The following CIBAR1 variants were observed in gnomAD, a reference collection of about 807,000 sequenced individuals.
CIBAR1 encodes CBY1-interacting BAR domain-containing protein 1.
Under a neutral mutation model 44.0 loss-of-function variants are expected in CIBAR1, and 25 were observed. The observed-to-expected ratio is 0.57, with a 90% CI of 0.41 to 0.79. The LOEUF is 0.79. Among genes scored for constraint, CIBAR1 ranks in the 30% least tolerant of loss-of-function variants. CIBAR1 has a pLI of 0.00. For synonymous variants in CIBAR1, 115 were observed against 119.0 expected (o/e 0.97, Z 0.22); for missense variants, 278 against 344.8 (o/e 0.81, Z 1.53).
intron 6 of CIBAR1, chr8:93,716,061 T>A (rs1811024812): frequency 1.3e-5 from 2 of 152,234 alleles, no homozygotes; most frequent in Admixed American, 1.3e-4. Flanking sequence ...GTTGTTGTTT[T>A]GAGACAGAGT....
chr8:93,713,205 G>A (rs1810902704), intron 6 of CIBAR1, among the ~76,000 whole-genome samples: 1 of 151,150 alleles, frequency 6.6e-6, no homozygotes, highest in African/African-American at 2.4e-5. Flanking sequence ...GCTAATTTTT[G>A]TATTTTTAGT....
chr8:93,702,409 A>T (rs1217375659), intron 2 of CIBAR1: 1 of 397,060 alleles, frequency 2.5e-6, no homozygotes. Context: ...TATTTTAGCC[A>T]ATAATTTCAA....
At chr8:93,707,260 A>G (rs1810629853) in intron 4 of CIBAR1, 1 of 427,480 alleles carries the variant, frequency 2.3e-6, no homozygotes, top group African/African-American at 2.1e-5. Context: ...TCTCTTTGCT[A>G]AAAATGGATG....
chr8:93,716,469 G>A (rs1319067550), intron 6 of CIBAR1, among the ~76,000 whole-genome samples: 6 of 151,968 alleles, frequency 3.9e-5, no homozygotes, highest in East Asian at 1.9e-4. Flanking sequence ...TGTATTTAGC[G>A]ATACATTCCT....
intron 5 of CIBAR1, among the ~76,000 whole-genome samples, chr8:93,708,600 C>A (rs1325480596): frequency 6.6e-6 from 1 of 152,074 alleles, no homozygotes; most frequent in Non-Finnish European, 1.5e-5. Context: ...ATTTTAGTTA[C>A]TAGTGTATTT....
Position 93,728,513 on chromosome 8 carries a change from TGTAA to T in CIBAR1, c.*219_*222del, listed in dbSNP as rs957734840. 37 of 382,702 alleles carry T rather than the reference TGTAA, an allele frequency of 9.7e-5. No homozygotes were observed. Among genetic ancestry groups the T allele is most frequent in the Middle Eastern group, 1.4e-3 (2 of 1,418 alleles). 23.7% of individuals were successfully genotyped at this position (382,702 alleles called of 1,614,324 possible). The stretch of plus-strand genomic sequence containing the variant: ...CCTACCTAGTGTTACATGATTTTTG[TGTAA>T]GTGCCTTTTTTTTTAAAGATGGTGT... On this transcript the variant is annotated 3_prime_UTR_variant, in exon 9 of 9. Transcript: ENST00000518322.
intron 1 of CIBAR1, 164 bp from the exon 2 acceptor site, chr8:93,701,060 C>G: frequency 6.8e-7 from 1 of 1,467,468 alleles, no homozygotes; most frequent in Non-Finnish European, 9.0e-7. Flanking sequence ...ATAGTGAGGT[C>G]AGGACCCCAT....
intron 4 of CIBAR1, chr8:93,707,082 T>C (rs1810621787): frequency 4.3e-6 from 1 of 230,344 alleles, no homozygotes; most frequent in Non-Finnish European, 8.8e-6. Context: ...TGGCTTACCC[T>C]TTTAAAAATC....
intron 6 of CIBAR1, chr8:93,715,859 T>C (rs949566375): frequency 3.3e-5 from 5 of 152,210 alleles, no homozygotes; most frequent in Non-Finnish European, 7.3e-5. Flanking sequence ...TCATTACACA[T>C]TGTTAAACAG....
chr8:93,726,195 C>A, intron 7 of CIBAR1, 199 bp from the exon 8 acceptor site: 1 of 480,422 alleles, frequency 2.1e-6, no homozygotes, highest in Non-Finnish European at 3.7e-6. Flanking sequence ...CATCATCTTA[C>A]ATAGTTCAAA....
intron 3 of CIBAR1, 100 bp downstream of exon 3, chr8:93,703,788 A>G: frequency 2.0e-6 from 2 of 1,004,118 alleles, no homozygotes; most frequent in South Asian, 3.6e-5. Context: ...GTAGTGGCCA[A>G]GAGTGGTGGC....
rs79316864 is a variant in CIBAR1 at position 93,726,977 on chromosome 8, G to A, written c.777+464G>A. 91 of 409,098 alleles carry A rather than the reference G, an allele frequency of 2.2e-4. No homozygotes were observed. The East Asian group carries it at 5.5e-3, about 25-fold the overall frequency. 25.3% of individuals were successfully genotyped at this position (409,098 alleles called of 1,614,324 possible). The stretch of plus-strand genomic sequence containing the variant: ...TTGAGTTTCCCAGTATCTAGAGCAG[G>A]GGCTGACAAACTTTTTCTTTAAGAT... On this transcript the variant is annotated intron_variant, in intron 8 of 8. Coordinates refer to ENST00000518322, the MANE Select transcript of CIBAR1 (RefSeq NM_145269.5).
In CIBAR1 at chr8:93,701,341, A is replaced by G; in HGVS notation, c.144A>G (p.Ala48=). 6.2e-7 allele frequency: 1 copy of G among 1,613,958 alleles called. No homozygotes were observed. Among genetic ancestry groups the G allele is most frequent in the Non-Finnish European group, 8.5e-7 (1 of 1,179,876 alleles). The change falls in exon 2 of 9, where the codon GCA becomes GCG. Residue 48 remains alanine (A), a synonymous_variant. Coordinates refer to ENST00000518322, the MANE Select transcript of CIBAR1 (RefSeq NM_145269.5). Reference sequence around the variant, plus strand: ...AAACTGCCAGGCTGAGAGACAAAGCAGACCTCCTGGTGAATGAAATTAACG... The same window carrying G: ...AAACTGCCAGGCTGAGAGACAAAGCGGACCTCCTGGTGAATGAAATTAACG... The part of the protein sequence containing the change: ...VRKTARLRDK[A]DLLVNEINAY...
At chr8:93,718,636 T>C in intron 6 of CIBAR1, 39 bp from the exon 7 acceptor site, 2 of 1,194,466 alleles carry the variant, frequency 1.7e-6, no homozygotes, top group Non-Finnish European at 2.4e-6. Context: ...TAAAGAAATT[T>C]AAATCATTGT....
rs184109765 is a variant in CIBAR1 at position 93,717,925 on chromosome 8, A to G, written c.544-750A>G. On this transcript the variant is annotated intron_variant, in intron 6 of 8. Transcript: ENST00000518322. Reference sequence around the variant, plus strand: ...ACATCTTCACTCATACTCTTTGTTCATGATCTTCCTTGTCATAGGTTTCCA... The same window carrying G: ...ACATCTTCACTCATACTCTTTGTTCGTGATCTTCCTTGTCATAGGTTTCCA... Among the ~76,000 whole-genome samples the G allele has an allele frequency of 6.6e-5, 10 of 152,250 alleles. No individual in the cohort carries two copies. The East Asian group carries it at 1.7e-3, about 26-fold the overall frequency.
chr8:93,723,705 T>C (rs76947524), intron 7 of CIBAR1, among the ~76,000 whole-genome samples: 1,554 of 152,216 alleles, frequency 0.01, 21 homozygotes, highest in African/African-American at 0.036. Flanking sequence ...GAGACAGATA[T>C]GTAATCAATT....
At chr8:93,716,567 A>C (rs1413446838) in intron 6 of CIBAR1, among the ~76,000 whole-genome samples, 1 of 152,108 alleles carries the variant, frequency 6.6e-6, no homozygotes, top group East Asian at 1.9e-4. Context: ...TATTGAGAAA[A>C]TTAGCCCTTC....
At chr8:93,722,879 T>C (rs961166363) in intron 7 of CIBAR1, among the ~76,000 whole-genome samples, 3 of 152,226 alleles carry the variant, frequency 2.0e-5, no homozygotes, top group African/African-American at 7.2e-5. Context: ...ATCCCAAGGG[T>C]TACATACTGT....
intron 6 of CIBAR1, among the ~76,000 whole-genome samples, chr8:93,714,928 A>G (rs1159042946): frequency 6.6e-6 from 1 of 152,192 alleles, no homozygotes; most frequent in Non-Finnish European, 1.5e-5. Flanking sequence ...GAACATTCCT[A>G]TTCTTACCTG....
Sources: gnomAD v4.1 joint callset for allele counts (sites outside exome capture counted in the v4.1 genomes callset) on GRCh38, gnomAD v4.1.1 for gene constraint, MANE v1.5 for transcripts, NCBI Gene and HGNC (gene_info 2026-07-23, HGNC 2026-07-21) for gene names.